DCDC2C: variants seen among roughly 807,000 people sequenced by gnomAD.
DCDC2C encodes the protein doublecortin domain-containing protein 2C.
Under a neutral mutation model 45.0 loss-of-function variants are expected in DCDC2C, and 44 were observed. The ratio of observed to expected loss-of-function variants is 0.98; its 90% CI spans 0.77 to 1.26. The LOEUF is 1.26. Among genes scored for constraint, DCDC2C ranks in the 50% most tolerant of loss-of-function variants. The pLI is 0.00. For synonymous variants in DCDC2C, 187 were observed against 178.8 expected (o/e 1.05, Z -0.37); for missense variants, 447 against 468.9 (o/e 0.95, Z 0.43).
chr2:3,829,252 T>G (rs927674546), intron 10 of DCDC2C, among the ~76,000 whole-genome samples: 6 of 151,676 alleles, frequency 4.0e-5, no homozygotes, highest in African/African-American at 1.4e-4. Flanking sequence ...GGCTGGATTC[T>G]CATTCCGTAA....
chr2:3,808,506 C>T (rs955571762), intron 10 of DCDC2C, among the ~76,000 whole-genome samples: 1 of 152,162 alleles, frequency 6.6e-6, no homozygotes, highest in Non-Finnish European at 1.5e-5. Flanking sequence ...ATTCTCCTGC[C>T]TCAGCCTTCT....
rs375355355 is a variant in DCDC2C at position 3,785,026 on chromosome 2, T to C, written c.1024-33T>C. 1.7e-5 allele frequency: 21 copies of C among 1,225,608 alleles called. No individual in the cohort carries two copies. The East Asian group carries it at 2.2e-4, about 13-fold the overall frequency. 75.9% of individuals were successfully genotyped at this position (1,225,608 alleles called of 1,614,324 possible). On this transcript the variant is annotated intron_variant, in intron 9 of 10. Coordinates refer to ENST00000399143, the MANE Select transcript of DCDC2C (RefSeq NM_001287444.2). The stretch of plus-strand genomic sequence containing the variant: ...TTATTTTACAACATCCTTCTTGCGA[T>C]AGTTGATTCCTATATTTGTTTTTTC...
rs576353674 is a variant in DCDC2C, at chr2:3,728,749, G to A, written c.416+1670G>A. On this transcript the variant is annotated intron_variant, in intron 3 of 10. Transcript: ENST00000399143. ...AACAGTAGTTATGACGGCTTTCAGA[G>A]GCTTAGATGCTCAGGAGAGAAAGGC... is the stretch of plus-strand genomic sequence containing the variant. Among the ~76,000 whole-genome samples the A allele has an allele frequency of 1.6e-4, 25 of 152,134 alleles. No individual in the cohort carries two copies. In the South Asian group the frequency reaches 4.8e-3, roughly 29 times the overall value.
intron 4 of DCDC2C, among the ~76,000 whole-genome samples, chr2:3,749,671 G>A (rs1249747975): frequency 2.0e-5 from 3 of 152,198 alleles, no homozygotes; most frequent in African/African-American, 2.4e-5. Flanking sequence ...CGTGTGGGCG[G>A]CCAAGGTGTC....
chr2:3,731,722 T>C (rs1481327140), intron 3 of DCDC2C, among the ~76,000 whole-genome samples: 3 of 152,206 alleles, frequency 2.0e-5, no homozygotes, highest in Non-Finnish European at 4.4e-5. Context: ...GAACAGAATG[T>C]GTCTTGCTAC....
chr2:3,845,978 G>C (rs1204411271), intron 10 of DCDC2C, among the ~76,000 whole-genome samples: 2 of 152,214 alleles, frequency 1.3e-5, no homozygotes, highest in African/African-American at 4.8e-5. Flanking sequence ...AGAGATCACA[G>C]AATTCCCAAC....
At chr2:3,708,475 G>A (rs897807260) in intron 1 of DCDC2C, 74 bp from the exon 2 acceptor site, 6 of 1,209,972 alleles carry the variant, frequency 5.0e-6, no homozygotes, top group East Asian at 2.6e-5. Flanking sequence ...AAAAGGACTC[G>A]TTTCTAAGGA....
chr2:3,809,753 C>T (rs766081428), intron 10 of DCDC2C, among the ~76,000 whole-genome samples: 1 of 152,166 alleles, frequency 6.6e-6, no homozygotes, highest in Non-Finnish European at 1.5e-5. Context: ...TACCCCCAAC[C>T]CCCAACAGGC....
chr2:3,797,398 T>TTGC (rs1405608202), intron 10 of DCDC2C, among the ~76,000 whole-genome samples: 1 of 151,908 alleles, frequency 6.6e-6, no homozygotes, highest in Non-Finnish European at 1.5e-5. Flanking sequence ...TAGTTATTTC[T>TTGC]TGCCTTCTTC....
chr2:3,733,448 T>G (rs187269922), intron 3 of DCDC2C, among the ~76,000 whole-genome samples: 9 of 152,320 alleles, frequency 5.9e-5, no homozygotes, highest in African/African-American at 1.9e-4. Context: ...GTTATTTCCT[T>G]GGGAGGCATC....
In DCDC2C at chr2:3,778,431, A is replaced by G. The variant is rs561283584; in HGVS notation, c.955-385A>G. Among the ~76,000 whole-genome samples, 133 of 152,302 alleles carry G rather than the reference A, an allele frequency of 8.7e-4. 1 individual carries two copies. The highest frequency in any genetic ancestry group is 1.3e-3 in the Non-Finnish European group (90 of 68,008). ...AACTAGGAAATAACCATGGAGAGTG[A>G]GAACCCACTGCTATGTGAGGAGTGA... On this transcript the variant is annotated intron_variant, in intron 8 of 10. Transcript: ENST00000399143.
intron 2 of DCDC2C, among the ~76,000 whole-genome samples, chr2:3,709,302 A>G (rs921117320): frequency 6.6e-6 from 1 of 152,216 alleles, no homozygotes; most frequent in Non-Finnish European, 1.5e-5. Flanking sequence ...ATGATAATAG[A>G]TACCTCAGAA....
intron 2 of DCDC2C, among the ~76,000 whole-genome samples, chr2:3,715,720 C>T (rs1412631829): frequency 3.9e-5 from 6 of 152,162 alleles, no homozygotes; most frequent in Admixed American, 6.5e-5. Context: ...CTAAGCCCAA[C>T]GGTTTTTTCA....
intron 10 of DCDC2C, among the ~76,000 whole-genome samples, chr2:3,839,753 T>C (rs1045464808): frequency 6.6e-6 from 1 of 152,222 alleles, no homozygotes; most frequent in Non-Finnish European, 1.5e-5. Flanking sequence ...AGCTCCCGCA[T>C]CTGCTCCCAC....
At chr2:3,776,412 C>T (rs1166756565) in intron 8 of DCDC2C, among the ~76,000 whole-genome samples, 2 of 152,214 alleles carry the variant, frequency 1.3e-5, no homozygotes, top group African/African-American at 4.8e-5. Flanking sequence ...AAAAACAGCT[C>T]TTCCGCTCTG....
intron 6 of DCDC2C, among the ~76,000 whole-genome samples, chr2:3,755,185 G>A (rs1417604890): frequency 2.0e-5 from 3 of 152,184 alleles, no homozygotes; most frequent in African/African-American, 7.2e-5. Context: ...GCATGTGTGT[G>A]TATGGATGCA....
At chr2:3,756,070 A>T (rs1327266788) in intron 6 of DCDC2C, among the ~76,000 whole-genome samples, 1 of 151,680 alleles carries the variant, frequency 6.6e-6, no homozygotes, top group Non-Finnish European at 1.5e-5. Flanking sequence ...ATGTGTATGG[A>T]TGCATATGTG....
chr2:3,788,202 A>G (rs115476009), intron 10 of DCDC2C, among the ~76,000 whole-genome samples: 1 of 152,262 alleles, frequency 6.6e-6, no homozygotes, highest in East Asian at 1.9e-4. Flanking sequence ...TTAAGAGAAG[A>G]AAAGTAAACA....
At chr2:3,797,538 T>G (rs1161298179) in intron 10 of DCDC2C, among the ~76,000 whole-genome samples, 1 of 146,182 alleles carries the variant, frequency 6.8e-6, no homozygotes, top group Non-Finnish European at 1.5e-5. Flanking sequence ...CACACTGCTT[T>G]GAATGCGTCC....
Sources: allele counts gnomAD v4.1 joint callset (sites outside exome capture counted in the v4.1 genomes callset), GRCh38; gene constraint gnomAD v4.1.1; transcripts MANE v1.5; gene names NCBI Gene and HGNC (gene_info 2026-07-23, HGNC 2026-07-21).